Variants in CUX1 observed in about 807,000 individuals in gnomAD.
CUX1 encodes the protein cut like homeobox 1, also known as protein CASP.
A neutral mutation model predicts 158.8 loss-of-function variants in CUX1; 31 were observed. The observed-to-expected ratio is 0.20, with a 90% CI of 0.15 to 0.26. The LOEUF is 0.26. Among genes scored for constraint, CUX1 ranks in the 10% least tolerant of loss-of-function variants. The pLI, the probability that CUX1 is intolerant of heterozygous loss-of-function variation, is 1.00. For synonymous variants in CUX1, 879 were observed against 862.1 expected (o/e 1.02, Z -0.34); for missense variants, 1,589 against 2,014.6 (o/e 0.79, Z 4.04).
Position 102,256,822 on chromosome 7 carries a change from G to A in CUX1, c.*7780G>A, listed in dbSNP as rs1267023534. On this transcript the variant is annotated 3_prime_UTR_variant, in exon 24 of 24. Transcript: ENST00000292535. Reference sequence around the variant, plus strand: ...AGACTTTACCTCCAAGCGAGAGAGTGATTTCTTGCAAGGCCCGCATGGGTT... The same window carrying A: ...AGACTTTACCTCCAAGCGAGAGAGTAATTTCTTGCAAGGCCCGCATGGGTT... 10 of 985,348 alleles carry A rather than the reference G, an allele frequency of 1.0e-5. No homozygotes were observed. Among genetic ancestry groups the A allele is most frequent in the Non-Finnish European group, 1.2e-5 (10 of 829,958 alleles). The allele number at this position is 985,348 out of a possible 1,614,324, so 61.0% of individuals were successfully genotyped here.
chr7:101,841,500 G>A (rs1171809753), intron 1 of CUX1, among the ~76,000 whole-genome samples: 1 of 151,000 alleles, frequency 6.6e-6, no homozygotes, highest in South Asian at 2.1e-4. Context: ...CTTTCTGAGT[G>A]CATTTTTTTT....
intron 9 of CUX1, among the ~76,000 whole-genome samples, chr7:102,168,643 C>CAA (rs1167424159): frequency 0.094 from 7,075 of 75,002 alleles, 420 homozygotes; most frequent in Middle Eastern, 0.15. Flanking sequence ...GGCTCTGTCT[C>CAA]AAAAAAAAAA....
chr7:101,823,804 C>T (rs896473129), intron 1 of CUX1, among the ~76,000 whole-genome samples: 13 of 152,004 alleles, frequency 8.6e-5, no homozygotes, highest in Non-Finnish European at 1.6e-4. Context: ...GTGAGTATTG[C>T]GAAACAGTGA....
chr7:102,254,593 CAAGT>C lies in CUX1; in HGVS notation c.*5555_*5558del. The C allele has an allele frequency of 1.0e-5, 10 of 985,424 alleles. No individual in the cohort carries two copies. Among genetic ancestry groups the C allele is most frequent in the Non-Finnish European group, 1.2e-5 (10 of 829,942 alleles). The allele number at this position is 985,424 out of a possible 1,614,324, so 61.0% of individuals were successfully genotyped here. A position where few individuals can be genotyped will look rare whatever the true frequency, so the allele number is the denominator to read the frequency against. Reference sequence around the variant, plus strand: ...GTGTTCCCCTGCTGGAGACAGTTTGCAAGTAAGAACCTAAGGATGGGGACAGCAT... The same window carrying C: ...GTGTTCCCCTGCTGGAGACAGTTTGCAAGAACCTAAGGATGGGGACAGCAT... On this transcript the variant is annotated 3_prime_UTR_variant, in exon 24 of 24. Transcript: ENST00000292535.
At chr7:101,893,158 CTTTTTTT>C (rs10589615) in intron 1 of CUX1, among the ~76,000 whole-genome samples, 3 of 64,930 alleles carry the variant, frequency 4.6e-5, no homozygotes, top group Non-Finnish European at 8.2e-5. Context: ...ATTTTTATTA[CTTTTTTT>C]TTTTTTTTTT....
In CUX1 at chr7:102,266,744, G is replaced by A. The variant is rs374651474; in HGVS notation, c.1256-6622G>A. ...AACTAGCTGCTAACACAGCAGCTCA[G>A]ATGAGAGCCGAAAAACAAGGACGTG... On this transcript the variant is annotated intron_variant, in intron 14 of 22. Coordinates refer to the CUX1 transcript ENST00000292538. Among the ~76,000 whole-genome samples the A allele has an allele frequency of 2.2e-4, 34 of 152,268 alleles. No individual in the cohort carries two copies. In the East Asian group the frequency reaches 2.7e-3, roughly 12 times the overall value.
intron 3 of CUX1, among the ~76,000 whole-genome samples, chr7:102,042,517 C>T (rs1822233196): frequency 6.6e-6 from 1 of 152,194 alleles, no homozygotes; most frequent in Non-Finnish European, 1.5e-5. Flanking sequence ...TGGACTTCTA[C>T]TCTGGCCGAA....
At chr7:102,101,739 G>A (rs1182954504) in intron 5 of CUX1, among the ~76,000 whole-genome samples, 3 of 151,948 alleles carry the variant, frequency 2.0e-5, no homozygotes, top group Admixed American at 6.6e-5. Context: ...GTGAAACCCC[G>A]TCTCTACTTA....
intron 3 of CUX1, among the ~76,000 whole-genome samples, chr7:102,067,301 C>T (rs1228180516): frequency 2.3e-5 from 3 of 132,732 alleles, no homozygotes; most frequent in Non-Finnish European, 3.0e-5. Flanking sequence ...GGTGTGATCT[C>T]AGCTCACTGC....
chr7:102,241,447 G>A (rs1800196716), intron 23 of CUX1, among the ~76,000 whole-genome samples: 2 of 152,108 alleles, frequency 1.3e-5, no homozygotes, highest in South Asian at 2.1e-4. Flanking sequence ...CGTAGGTCTA[G>A]CCGATGGCAG....
intron 8 of CUX1, among the ~76,000 whole-genome samples, chr7:102,135,759 G>C (rs1439331991): frequency 6.6e-6 from 1 of 152,120 alleles, no homozygotes; most frequent in Non-Finnish European, 1.5e-5. Flanking sequence ...CGGATCACTT[G>C]AGGTCACGAG....
intron 3 of CUX1, among the ~76,000 whole-genome samples, chr7:102,061,073 C>T (rs1453661196): frequency 1.3e-5 from 2 of 151,516 alleles, no homozygotes; most frequent in Admixed American, 1.3e-4. Flanking sequence ...TACAGGTGTC[C>T]ACCACCATGC....
chr7:102,054,971 CAA>C (rs995738401), intron 3 of CUX1, among the ~76,000 whole-genome samples: 6 of 126,068 alleles, frequency 4.8e-5, no homozygotes, highest in East Asian at 2.3e-4. Flanking sequence ...ACCCTGTCTC[CAA>C]AAAAAAAAAA....
intron 4 of CUX1, among the ~76,000 whole-genome samples, chr7:102,076,469 C>G (rs1826742638): frequency 2.0e-5 from 3 of 152,136 alleles, no homozygotes; most frequent in African/African-American, 7.2e-5. Context: ...TCATGTACCT[C>G]TGAGTAGGTT....
At chr7:101,896,233 G>C (rs536849438) in intron 1 of CUX1, among the ~76,000 whole-genome samples, 39 of 152,058 alleles carry the variant, frequency 2.6e-4, no homozygotes, top group Non-Finnish European at 5.3e-4. Context: ...ACCACAGCCA[G>C]CAGTCTTCCG....
rs1206239290 is a variant in CUX1 at position 102,250,724 on chromosome 7, C to A, written c.*1682C>A. On this transcript the variant is annotated 3_prime_UTR_variant, in exon 24 of 24. Coordinates refer to ENST00000292535, the MANE Select transcript of CUX1 (RefSeq NM_181552.4). Reference sequence around the variant, plus strand: ...AGTACAAACTGAAAGTCTAACTTGTCTCTGATTCCTCCCTTGTCTATGTGT... The same window carrying A: ...AGTACAAACTGAAAGTCTAACTTGTATCTGATTCCTCCCTTGTCTATGTGT... 1 of 985,296 alleles carries A rather than the reference C, an allele frequency of 1.0e-6. No homozygotes were observed. The highest frequency in any genetic ancestry group is 1.2e-6 in the Non-Finnish European group (1 of 829,950). The allele number at this position is 985,296 out of a possible 1,614,324, so 61.0% of individuals were successfully genotyped here.
At chr7:102,054,393 A>G (rs541039714) in intron 3 of CUX1, among the ~76,000 whole-genome samples, 2 of 152,264 alleles carry the variant, frequency 1.3e-5, no homozygotes, top group East Asian at 3.8e-4. Flanking sequence ...TGGTCGTCCC[A>G]GCAACATTTG....
At chr7:101,977,309 C>A (rs1305813693) in intron 2 of CUX1, among the ~76,000 whole-genome samples, 1 of 152,142 alleles carries the variant, frequency 6.6e-6, no homozygotes, top group Non-Finnish European at 1.5e-5. Flanking sequence ...AAACATTGCT[C>A]TTTTTCCAGC....
Position 102,248,758 on chromosome 7 carries a change from GC to G in CUX1, c.4236del (p.Ala1413ArgfsTer72). 9.7e-7 allele frequency: 1 copy of G among 1,035,192 alleles called. No homozygotes were observed. The allele number at this position is 1,035,192 out of a possible 1,614,324, so 64.1% of individuals were successfully genotyped here. ...LPSPASATAT[A>X]APAAPEDAAT... is the part of the protein sequence containing the mutation. Reference sequence around the variant, plus strand: ...CAGCCCCGCCTCCGCGACCGCCACCGCCGCGCCCGCGGCCCCCGAGGACGCC... The same window carrying G: ...CAGCCCCGCCTCCGCGACCGCCACCGCGCGCCCGCGGCCCCCGAGGACGCC... On this transcript the variant is annotated frameshift_variant, in exon 24 of 24. Transcript: ENST00000292535. LOFTEE classifies it low-confidence loss of function (END_TRUNC). This position sits in a 1 kb window ranked among gnomAD's most constrained non-coding sequence, Gnocchi z 5.8.
Sources: allele counts gnomAD v4.1 joint callset (sites outside exome capture counted in the v4.1 genomes callset), GRCh38; gene constraint gnomAD v4.1.1; non-coding constraint Gnocchi (gnomAD v3.1); transcripts MANE v1.5; gene names NCBI Gene and HGNC (gene_info 2026-07-23, HGNC 2026-07-21).